CXCR2: variants seen among roughly 807,000 people sequenced by gnomAD.
CXCR2 encodes the protein C-X-C motif chemokine receptor 2.
A neutral mutation model predicts 3.7 loss-of-function variants in CXCR2; 2 were observed. The ratio of observed to expected loss-of-function variants is 0.55; its 90% CI spans 0.22 to 1.72. The LOEUF (loss-of-function observed/expected upper bound fraction) is 1.72, where lower values mean the gene tolerates loss of function less well. Ranked by LOEUF, CXCR2 falls within the 40% of genes most tolerant of loss-of-function variation. CXCR2 has a pLI of 0.19. For synonymous variants in CXCR2, 203 were observed against 193.3 expected (o/e 1.05, Z -0.41); for missense variants, 351 against 450.1 (o/e 0.78, Z 1.99).
Position 218,126,840 on chromosome 2 carries a change from G to T in CXCR2, c.-78+487G>T, listed in dbSNP as rs1690522195. On this transcript the variant is annotated intron_variant, in intron 1 of 2. Transcript: ENST00000318507. The stretch of plus-strand genomic sequence containing the variant: ...TTTTTTGGGTTTTGTTTGTTTGTTT[G>T]TTTTGTTTTTGTTTTTGTAAAGACA... Among the ~76,000 whole-genome samples, 6 of 146,188 alleles carry T rather than the reference G, an allele frequency of 4.1e-5. No individual in the cohort carries two copies. The South Asian group carries it at 1.3e-3, about 32-fold the overall frequency.
At chr2:218,134,682 C>A in intron 2 of CXCR2, 95 bp from the exon 3 acceptor site, 1 of 1,187,932 alleles carries the variant, frequency 8.4e-7, no homozygotes, top group Non-Finnish European at 1.2e-6. Flanking sequence ...TTGTAATACT[C>A]AAGCCAACAC....
rs1332762692 is a variant in CXCR2, at chr2:218,137,230, AC to A, written c.*1348del. On this transcript the variant is annotated 3_prime_UTR_variant, in exon 3 of 3. Transcript: ENST00000318507. ...TCATTCAATATCTTTTTTTTAATAAACCATTTTTACTTGGGTGTTTATATTA... is the reference window on the plus strand; with the variant it reads ...TCATTCAATATCTTTTTTTTAATAAACATTTTTACTTGGGTGTTTATATTA... The A allele has an allele frequency of 6.0e-6, 1 of 167,086 alleles. No homozygotes were observed. The highest frequency in any genetic ancestry group is 1.5e-5 in the Non-Finnish European group (1 of 68,092). The allele number at this position is 167,086 out of a possible 1,614,324, so 10.4% of individuals were successfully genotyped here.
At position 218,126,200 on chromosome 2, in the gene CXCR2, C is replaced by T. The variant is rs1438455528; in HGVS notation, c.-231C>T. 1 of 152,310 alleles carries T rather than the reference C, an allele frequency of 6.6e-6. No homozygotes were observed. Among genetic ancestry groups the T allele is most frequent in the East Asian group, 1.9e-4 (1 of 5,328 alleles). 9.4% of individuals were successfully genotyped at this position (152,310 alleles called of 1,614,324 possible). A position where few individuals can be genotyped will look rare whatever the true frequency, so the allele number is the denominator to read the frequency against. On this transcript the variant is annotated 5_prime_UTR_variant, in exon 1 of 3. Coordinates refer to ENST00000318507, the MANE Select transcript of CXCR2 (RefSeq NM_001557.4). ...TCATTGTTCCTCTGTGGGAATACCT[C>T]CCCAGGAGGGCATCCTGGATTTCCC...
At position 218,132,541 on chromosome 2, in the gene CXCR2, T is replaced by G. The variant is rs529685258; in HGVS notation, c.-25-2236T>G. Among the ~76,000 whole-genome samples the G allele has an allele frequency of 3.9e-5, 6 of 152,332 alleles. No homozygotes were observed. The East Asian group carries it at 1.2e-3, about 29-fold the overall frequency. Reference sequence around the variant, plus strand: ...TATGTCATGTGAACATGGTAGAGTATACGATGCTATAGCCTACTACACACA... The same window carrying G: ...TATGTCATGTGAACATGGTAGAGTAGACGATGCTATAGCCTACTACACACA... On this transcript the variant is annotated intron_variant, in intron 2 of 2. Transcript: ENST00000318507.
chr2:218,133,630 ACCCAGGCTTC>A (rs1308880590), intron 2 of CXCR2, among the ~76,000 whole-genome samples: 1 of 152,058 alleles, frequency 6.6e-6, no homozygotes, highest in Non-Finnish European at 1.5e-5. Flanking sequence ...CACCCTCCAC[ACCCAGGCTTC>A]CCCAGAGCAG....
At position 218,134,637 on chromosome 2, in the gene CXCR2, T is replaced by C. The variant is rs540892887; in HGVS notation, c.-25-140T>C. ...CAAATTTATCTCATAACCTAAGAGC[T>C]ACCACTTACAAATTTGAAGGGAAAA... On this transcript the variant is annotated intron_variant, in intron 2 of 2. Transcript: ENST00000318507. 21 of 732,562 alleles carry C rather than the reference T, an allele frequency of 2.9e-5. No homozygotes were observed. In the African/African-American group the frequency reaches 3.5e-4, roughly 12 times the overall value. 45.4% of individuals were successfully genotyped at this position (732,562 alleles called of 1,614,324 possible). A position where few individuals can be genotyped will look rare whatever the true frequency, so the allele number is the denominator to read the frequency against.
At chr2:218,131,275 T>C (rs904381680) in intron 2 of CXCR2, among the ~76,000 whole-genome samples, 3 of 152,160 alleles carry the variant, frequency 2.0e-5, no homozygotes, top group Admixed American at 6.5e-5. Flanking sequence ...GGACATACCC[T>C]GGGCCTCTCA....
chr2:218,126,956 A>G (rs1292578021), intron 1 of CXCR2, among the ~76,000 whole-genome samples: 1 of 152,088 alleles, frequency 6.6e-6, no homozygotes, highest in African/African-American at 2.4e-5. Flanking sequence ...GATTACAGGC[A>G]TGGGCCACCT....
intron 2 of CXCR2, among the ~76,000 whole-genome samples, chr2:218,131,749 G>A (rs1574539672): frequency 1.3e-5 from 2 of 151,264 alleles, no homozygotes; most frequent in South Asian, 4.2e-4. Context: ...GAGCCACCAC[G>A]CCCGGCCCAA....
chr2:218,135,153 C>T lies in CXCR2; in HGVS notation c.352C>T (p.Leu118=). Residue 118 remains leucine (L), a synonymous_variant, in exon 3 of 3, where the codon CTG becomes TTG. Coordinates refer to ENST00000318507, the MANE Select transcript of CXCR2 (RefSeq NM_001557.4). This position sits in a 1 kb window ranked among gnomAD's most constrained non-coding sequence, Gnocchi z 4.0. ...KVNGWIFGTF[L]CKVVSLLKEV... is the part of the protein sequence containing the mutation. ...GAATGGCTGGATTTTTGGCACATTC[C>T]TGTGCAAGGTGGTCTCACTCCTGAA... 1 of 1,614,206 alleles carries T rather than the reference C, an allele frequency of 6.2e-7. No individual in the cohort carries two copies.
chr2:218,130,689 T>C (rs1690620380), intron 2 of CXCR2, among the ~76,000 whole-genome samples: 2 of 152,210 alleles, frequency 1.3e-5, no homozygotes, highest in Admixed American at 1.3e-4. Flanking sequence ...ATGGAGATCA[T>C]GTACCTGTGA....
Position 218,135,781 on chromosome 2 carries a change from A to G in CXCR2, c.980A>G (p.Lys327Arg). Residue 327 changes from lysine (K) to arginine (R), a missense_variant, in exon 3 of 3, where the codon AAG (lysine) becomes AGG (arginine). Transcript: ENST00000318507. The surrounding 1 kb of genome is among the most constrained non-coding windows in gnomAD (Gnocchi z 4.0). ...CAGAAGTTTCGCCATGGACTCCTCA[A>G]GATTCTAGCTATACATGGCTTGATC... ...IGQKFRHGLL[K>R]ILAIHGLISK... The G allele has an allele frequency of 6.2e-7, 1 of 1,613,932 alleles. No individual in the cohort carries two copies. The highest frequency in any genetic ancestry group is 8.5e-7 in the Non-Finnish European group (1 of 1,179,998).
chr2:218,128,368 C>T lies in CXCR2; in HGVS notation c.-77-946C>T, dbSNP rs576563889. 9.9e-4 allele frequency among the ~76,000 whole-genome samples: 150 copies of T among 152,268 alleles called. 1 individual carries two copies. In the South Asian group the frequency reaches 0.011, roughly 12 times the overall value. On this transcript the variant is annotated intron_variant, in intron 1 of 2. Transcript: ENST00000318507. The stretch of plus-strand genomic sequence containing the variant: ...TTGGGGTAGGCAGGCAATTTAAGTG[C>T]GTCTGCCACAGGGATTGAGTCCCCT...
At chr2:218,125,649 AT>A (rs958889187), upstream of CXCR2, 2 of 151,992 alleles carry the variant, frequency 1.3e-5, no homozygotes, top group Non-Finnish European at 2.9e-5. Flanking sequence ...GGCGAAAGTT[AT>A]TTCAGTGGAG....
intron 1 of CXCR2, 33 bp downstream of exon 1, chr2:218,126,386 A>C (rs1362241131): frequency 6.6e-6 from 1 of 152,404 alleles, no homozygotes; most frequent in African/African-American, 2.4e-5. Context: ...GATGCTGGCA[A>C]CATATTTCTA....
At position 218,133,376 on chromosome 2, in the gene CXCR2, T is replaced by G. The variant is rs1164793501; in HGVS notation, c.-25-1401T>G. ...GTGCAGTGATGTGATTTCGGCTCAC[T>G]GCAACCTCCACCTCCTGGGTTCAAG... On this transcript the variant is annotated intron_variant, in intron 2 of 2. Transcript: ENST00000318507. Among the ~76,000 whole-genome samples the G allele has an allele frequency of 2.8e-5, 4 of 143,322 alleles. No homozygotes were observed. The East Asian group carries it at 6.3e-4, about 23-fold the overall frequency. The allele number at this position is 143,322 out of a possible 152,430, so 94.0% of individuals were successfully genotyped here.
chr2:218,129,044 G>A (rs1258722749), intron 1 of CXCR2, among the ~76,000 whole-genome samples: 1 of 152,192 alleles, frequency 6.6e-6, no homozygotes, highest in Non-Finnish European at 1.5e-5. Flanking sequence ...AGAAATCCAT[G>A]CAATCCTGGG....
intron 2 of CXCR2, among the ~76,000 whole-genome samples, chr2:218,133,736 G>C (rs1415532571): frequency 6.6e-6 from 1 of 152,232 alleles, no homozygotes; most frequent in East Asian, 1.9e-4. Flanking sequence ...CTAGATGGAG[G>C]CACACACATG....
chr2:218,131,261 C>T (rs1472557113), intron 2 of CXCR2, among the ~76,000 whole-genome samples: 2 of 152,182 alleles, frequency 1.3e-5, no homozygotes, highest in South Asian at 2.1e-4. Flanking sequence ...CTCTTGACTT[C>T]ATTGGACATA....
Sources: allele counts gnomAD v4.1 joint callset (sites outside exome capture counted in the v4.1 genomes callset), GRCh38; gene constraint gnomAD v4.1.1; non-coding constraint Gnocchi (gnomAD v3.1); transcripts MANE v1.5; gene names NCBI Gene and HGNC (gene_info 2026-07-23, HGNC 2026-07-21).